The following ZNF827 variants were observed in gnomAD, a reference collection of about 807,000 sequenced individuals.
ZNF827 encodes zinc finger protein 827.
Under a neutral mutation model 102.4 loss-of-function variants are expected in ZNF827, and 13 were observed. That is an observed-to-expected ratio of 0.13 (90% confidence interval 0.08 to 0.20). The LOEUF is 0.20. Ranked by LOEUF, ZNF827 falls within the 10% of genes least tolerant of loss-of-function variation. The pLI is 1.00. For missense variants in ZNF827, 1,103 were observed against 1,344.4 expected (o/e 0.82, Z 2.81); for synonymous variants, 523 against 536.2 (o/e 0.98, Z 0.34).
chr4:145,862,773 C>G (rs191574870), intron 5 of ZNF827, among the ~76,000 whole-genome samples: 2 of 152,288 alleles, frequency 1.3e-5, no homozygotes, highest in South Asian at 4.2e-4. Flanking sequence ...TTAAATAGCA[C>G]TATGTGAATA....
At chr4:145,878,417 A>G (rs1749341784) in intron 4 of ZNF827, among the ~76,000 whole-genome samples, 1 of 152,112 alleles carries the variant, frequency 6.6e-6, no homozygotes, top group African/African-American at 2.4e-5. Context: ...CTGAGCAGAA[A>G]GGAGCTAGGG....
At chr4:145,802,286 T>C (rs1241772238) in intron 8 of ZNF827, among the ~76,000 whole-genome samples, 1 of 152,224 alleles carries the variant, frequency 6.6e-6, no homozygotes, top group East Asian at 1.9e-4. Context: ...TTACTTTCTC[T>C]TTCCACTCAG....
At position 145,783,905 on chromosome 4, in the gene ZNF827, T is replaced by C. The variant is rs61059086; in HGVS notation, c.2384-4394A>G. Among the ~76,000 whole-genome samples the C allele has an allele frequency of 4.7e-3, 721 of 152,292 alleles. 5 individuals are homozygous for C. The highest frequency in any genetic ancestry group is 0.016 in the African/African-American group (666 of 41,566). On this transcript the variant is annotated intron_variant, in intron 8 of 14. Coordinates refer to ENST00000508784, the MANE Select transcript of ZNF827 (RefSeq NM_001306215.2). ...AATTCCCAGTATTGGAGGTGGGGCC[T>C]TGTGGGAGGTGATTGGATCATGGGG...
chr4:145,934,237 GAAGTT>G (rs2127004851), intron 1 of ZNF827, among the ~76,000 whole-genome samples: 1 of 152,300 alleles, frequency 6.6e-6, no homozygotes, highest in South Asian at 2.1e-4. Context: ...GTCACCTGCA[GAAGTT>G]AATACAGGAC....
At chr4:145,867,209 G>A (rs2126742310) in intron 5 of ZNF827, among the ~76,000 whole-genome samples, 1 of 152,284 alleles carries the variant, frequency 6.6e-6, no homozygotes, top group East Asian at 1.9e-4. Context: ...CAGCTGTCAG[G>A]CATTCAACTT....
chr4:145,937,897 CCG>C (rs1165650078), intron 1 of ZNF827, among the ~76,000 whole-genome samples: 1 of 150,080 alleles, frequency 6.7e-6, no homozygotes, highest in African/African-American at 2.5e-5. Flanking sequence ...CCCCAGCCCT[CCG>C]CGCGCCCCGA....
chr4:145,761,908 G>A lies in ZNF827; in HGVS notation c.*18-310C>T, dbSNP rs1734572126. Among the ~76,000 whole-genome samples the A allele has an allele frequency of 6.6e-6, 1 of 152,172 alleles. No individual in the cohort carries two copies. The highest frequency in any genetic ancestry group is 2.4e-5 in the African/African-American group (1 of 41,432). On this transcript the variant is annotated intron_variant, in intron 14 of 14. Transcript: ENST00000508784. This position sits in a 1 kb window ranked among gnomAD's most constrained non-coding sequence, Gnocchi z 6.8. The stretch of plus-strand genomic sequence containing the variant: ...AGAAAGTGCCAGGAATCAATTTGCT[G>A]GTGCTCCCCTCCAGCCCCCGCCCGG...
intron 6 of ZNF827, among the ~76,000 whole-genome samples, chr4:145,848,085 T>C (rs534210132): frequency 3.0e-4 from 46 of 152,236 alleles, no homozygotes; most frequent in Non-Finnish European, 5.6e-4. Flanking sequence ...AGAGAGACTT[T>C]CTGAAAAGAA....
chr4:145,898,110 G>A (rs907587067), intron 2 of ZNF827, among the ~76,000 whole-genome samples: 3 of 152,086 alleles, frequency 2.0e-5, no homozygotes, highest in Admixed American at 6.5e-5. Context: ...AGCCGAGATC[G>A]CACCACCGCA....
At chr4:145,869,128 T>C (rs1244867575) in intron 5 of ZNF827, among the ~76,000 whole-genome samples, 1 of 152,262 alleles carries the variant, frequency 6.6e-6, no homozygotes, top group African/African-American at 2.4e-5. Flanking sequence ...GATTGCATTA[T>C]GCTTTATTTA....
chr4:145,926,589 T>C (rs1480695820), intron 1 of ZNF827, among the ~76,000 whole-genome samples: 1 of 152,226 alleles, frequency 6.6e-6, no homozygotes, highest in Non-Finnish European at 1.5e-5. Flanking sequence ...GTTTTAAATA[T>C]TAATTGTTGA....
intron 1 of ZNF827, among the ~76,000 whole-genome samples, chr4:145,905,591 G>A (rs576890239): frequency 3.2e-4 from 49 of 152,202 alleles, no homozygotes; most frequent in Non-Finnish European, 5.0e-4. Context: ...AATTGGCGGC[G>A]ACCCTAAACT....
chr4:145,927,019 GTTA>G (rs1320517864), intron 1 of ZNF827, among the ~76,000 whole-genome samples: 3 of 152,088 alleles, frequency 2.0e-5, no homozygotes, highest in Non-Finnish European at 2.9e-5. Context: ...AACCCAGTAA[GTTA>G]TTATTTGAAG....
rs112083436 is a variant in ZNF827 at position 145,877,255 on chromosome 4, C to T, written c.1748-6777G>A. Reference sequence around the variant, plus strand: ...TAACTCTCCAGATCACAAGCCGGTGCGGTTCTATCCAACCAAGTTCCCTTG... The same window carrying T: ...TAACTCTCCAGATCACAAGCCGGTGTGGTTCTATCCAACCAAGTTCCCTTG... On this transcript the variant is annotated intron_variant, in intron 4 of 14. Coordinates refer to ENST00000508784, the MANE Select transcript of ZNF827 (RefSeq NM_001306215.2). Among the ~76,000 whole-genome samples the T allele has an allele frequency of 2.6e-3, 400 of 152,222 alleles. 6 individuals carry two copies. Among genetic ancestry groups the T allele is most frequent in the African/African-American group, 9.2e-3 (381 of 41,532 alleles).
intron 6 of ZNF827, among the ~76,000 whole-genome samples, chr4:145,847,505 T>G (rs1746107843): frequency 6.6e-6 from 1 of 152,242 alleles, no homozygotes; most frequent in African/African-American, 2.4e-5. Context: ...TCAGTGCTTA[T>G]TCTGATAAAT....
chr4:145,791,728 T>A (rs1372338203), intron 8 of ZNF827, among the ~76,000 whole-genome samples: 1 of 152,202 alleles, frequency 6.6e-6, no homozygotes, highest in Non-Finnish European at 1.5e-5. Flanking sequence ...TAGCACTGAT[T>A]TTACTCTGGG....
rs1226758017 is a variant in ZNF827 at position 145,796,285 on chromosome 4, G to A, written c.2384-16774C>T. Among the ~76,000 whole-genome samples the A allele has an allele frequency of 2.6e-5, 4 of 152,180 alleles. No individual in the cohort carries two copies. The East Asian group carries it at 5.8e-4, about 22-fold the overall frequency. ...ATAATTGTTCCTAAAACAAACACAC[G>A]CAGACATGTTTCCACTTGTTTGTGC... On this transcript the variant is annotated intron_variant, in intron 8 of 14. Coordinates refer to ENST00000508784, the MANE Select transcript of ZNF827 (RefSeq NM_001306215.2).
At chr4:145,819,637 A>G (rs554715325) in intron 8 of ZNF827, among the ~76,000 whole-genome samples, 1 of 152,218 alleles carries the variant, frequency 6.6e-6, no homozygotes, top group African/African-American at 2.4e-5. Flanking sequence ...ATGATAGGAA[A>G]GCTCTTTTAT....
intron 8 of ZNF827, among the ~76,000 whole-genome samples, chr4:145,802,398 G>A (rs1023733121): frequency 6.6e-6 from 1 of 152,216 alleles, no homozygotes; most frequent in Non-Finnish European, 1.5e-5. Flanking sequence ...GTCTAGTTCA[G>A]GAACAATCCA....
Sources: allele counts gnomAD v4.1 joint callset (sites outside exome capture counted in the v4.1 genomes callset), GRCh38; gene constraint gnomAD v4.1.1; non-coding constraint Gnocchi (gnomAD v3.1); transcripts MANE v1.5; gene names NCBI Gene and HGNC (gene_info 2026-07-23, HGNC 2026-07-21).